XKR4: variants seen among roughly 807,000 people sequenced by gnomAD.
XKR4 encodes XK-related protein 4.
Under a neutral mutation model 53.9 loss-of-function variants are expected in XKR4, and 12 were observed. That is an observed-to-expected ratio of 0.22 (90% confidence interval 0.14 to 0.36). The LOEUF (loss-of-function observed/expected upper bound fraction) is 0.36, where lower values mean the gene tolerates loss of function less well. Among genes scored for constraint, XKR4 ranks in the 10% least tolerant of loss-of-function variants. The probability of loss-of-function intolerance (pLI) is 1.00; values close to 1 mark genes in which losing one functional copy is unlikely to be tolerated. For missense variants in XKR4, 799 were observed against 859.5 expected, an observed-to-expected ratio of 0.93 and a Z score of 0.88; for synonymous variants, 354 against 362.4, an observed-to-expected ratio of 0.98 and a Z score of 0.26.
At chr8:55,478,137 G>C (rs1806030669) in intron 2 of XKR4, among the ~76,000 whole-genome samples, 1 of 152,070 alleles carries the variant, frequency 6.6e-6, no homozygotes, top group African/African-American at 2.4e-5. Flanking sequence ...AAAATGTTAA[G>C]GGCAGCCAGA....
At chr8:55,415,113 A>T (rs998816267) in intron 2 of XKR4, among the ~76,000 whole-genome samples, 2 of 152,236 alleles carry the variant, frequency 1.3e-5, no homozygotes, top group African/African-American at 4.8e-5. Context: ...ATAGTCTGTG[A>T]TCATGCAGAG....
chr8:55,249,522 A>C (rs1818336650), intron 1 of XKR4, among the ~76,000 whole-genome samples: 1 of 152,204 alleles, frequency 6.6e-6, no homozygotes, highest in South Asian at 2.1e-4. Flanking sequence ...CCCTGGGCCA[A>C]GTGCATGGTG....
chr8:55,511,155 A>G (rs1167666085), intron 2 of XKR4, among the ~76,000 whole-genome samples: 2 of 152,202 alleles, frequency 1.3e-5, no homozygotes, highest in Non-Finnish European at 2.9e-5. Context: ...AAAATAGGAC[A>G]GAAGCCGTGG....
intron 1 of XKR4, among the ~76,000 whole-genome samples, chr8:55,189,355 A>G (rs1268170695): frequency 6.6e-6 from 1 of 152,150 alleles, no homozygotes; most frequent in Non-Finnish European, 1.5e-5. Flanking sequence ...ATGTATGAGT[A>G]CGATCATGCC....
intron 2 of XKR4, among the ~76,000 whole-genome samples, chr8:55,480,306 G>A (rs1305349323): frequency 6.6e-6 from 1 of 151,950 alleles, no homozygotes; most frequent in East Asian, 1.9e-4. Flanking sequence ...AAAACCACAT[G>A]ATTATCTCAA....
At chr8:55,356,141 A>G (rs1234528173) in intron 1 of XKR4, among the ~76,000 whole-genome samples, 2 of 152,228 alleles carry the variant, frequency 1.3e-5, no homozygotes, top group Non-Finnish European at 2.9e-5. Context: ...CTGGAGAAGT[A>G]TTCTAACAAG....
At chr8:55,235,934 C>G (rs1449042665) in intron 1 of XKR4, among the ~76,000 whole-genome samples, 1 of 152,196 alleles carries the variant, frequency 6.6e-6, no homozygotes, top group Admixed American at 6.5e-5. Flanking sequence ...CTGAGTTTGG[C>G]TCTGTGGTGA....
At chr8:55,239,295 G>A (rs1476833352) in intron 1 of XKR4, among the ~76,000 whole-genome samples, 1 of 152,180 alleles carries the variant, frequency 6.6e-6, no homozygotes, top group Non-Finnish European at 1.5e-5. Context: ...GGTCACGGGT[G>A]ATAGCTCAAA....
intron 2 of XKR4, chr8:55,451,538 T>C (rs1805443433): frequency 4.8e-6 from 5 of 1,038,082 alleles, no homozygotes; most frequent in Non-Finnish European, 7.2e-6. Context: ...ACTACACCTA[T>C]GCCGTACAGG....
At chr8:55,484,986 CT>C (rs1806171360) in intron 2 of XKR4, among the ~76,000 whole-genome samples, 1 of 152,222 alleles carries the variant, frequency 6.6e-6, no homozygotes, top group Non-Finnish European at 1.5e-5. Context: ...CTTATCATTT[CT>C]GTTTCTCTGG....
chr8:55,268,867 G>T (rs1818648628), intron 1 of XKR4, among the ~76,000 whole-genome samples: 1 of 152,172 alleles, frequency 6.6e-6, no homozygotes, highest in Admixed American at 6.5e-5. Context: ...CCAGGTAACT[G>T]AAGAAATATT....
intron 2 of XKR4, among the ~76,000 whole-genome samples, chr8:55,494,440 C>G (rs75996234): frequency 6.6e-6 from 1 of 152,220 alleles, no homozygotes; most frequent in African/African-American, 2.4e-5. Context: ...TGTTACAGCT[C>G]TTTTAGCCCC....
At chr8:55,450,546 G>T (rs568303912) in intron 2 of XKR4, 3 of 678,334 alleles carry the variant, frequency 4.4e-6, no homozygotes, top group African/African-American at 3.6e-5. Flanking sequence ...TAGAAACAGC[G>T]GGACACGTGG....
chr8:55,102,395 G>T lies in XKR4; in HGVS notation c.-94G>T. 1 of 1,404,416 alleles carries T rather than the reference G, an allele frequency of 7.1e-7. No homozygotes were observed. Among genetic ancestry groups the T allele is most frequent in the South Asian group, 1.5e-5 (1 of 67,164 alleles). The allele number at this position is 1,404,416 out of a possible 1,614,324, so 87.0% of individuals were successfully genotyped here. On this transcript the variant is annotated 5_prime_UTR_variant, in exon 1 of 3. In the 5' UTR this introduces an upstream ATG that the reference lacks. Transcript: ENST00000327381. The surrounding 1 kb of genome is among the most constrained non-coding windows in gnomAD (Gnocchi z 5.1). The stretch of plus-strand genomic sequence containing the variant: ...GGAGGGGGAGCCGCACCGCCTGGGA[G>T]GGAAGCCGGGGCGAGGCGAGGAGGT...
intron 1 of XKR4, among the ~76,000 whole-genome samples, chr8:55,277,647 C>T (rs577535397): frequency 4.9e-4 from 75 of 152,110 alleles, no homozygotes; most frequent in African/African-American, 1.8e-3. Flanking sequence ...CTAGGTGTGT[C>T]GATGCTCAAA....
intron 2 of XKR4, among the ~76,000 whole-genome samples, chr8:55,521,150 G>A (rs1585617720): frequency 6.6e-6 from 1 of 152,244 alleles, no homozygotes; most frequent in Non-Finnish European, 1.5e-5. Context: ...AAACCCAGCT[G>A]GGCGCCGCGT....
chr8:55,239,238 G>A (rs187040339), intron 1 of XKR4, among the ~76,000 whole-genome samples: 4 of 152,338 alleles, frequency 2.6e-5, no homozygotes, highest in Admixed American at 2.0e-4. Flanking sequence ...GTTAGGTAGA[G>A]ATGTCATGAA....
At chr8:55,268,572 A>AT (rs1200526310) in intron 1 of XKR4, among the ~76,000 whole-genome samples, 1 of 152,178 alleles carries the variant, frequency 6.6e-6, no homozygotes, top group East Asian at 1.9e-4. Flanking sequence ...GCAAGGCCCT[A>AT]TTTTATAGGT....
chr8:55,209,606 C>T (rs934072325), intron 1 of XKR4, among the ~76,000 whole-genome samples: 8 of 152,124 alleles, frequency 5.3e-5, no homozygotes, highest in African/African-American at 1.4e-4. Context: ...GCGGACGTGC[C>T]GTGGGGAAGC....
Sources: allele counts gnomAD v4.1 joint callset (sites outside exome capture counted in the v4.1 genomes callset), GRCh38; gene constraint gnomAD v4.1.1; non-coding constraint Gnocchi (gnomAD v3.1); transcripts MANE v1.5; gene names NCBI Gene and HGNC (gene_info 2026-07-23, HGNC 2026-07-21).